The following EPG5 variants were observed in gnomAD, a reference collection of about 807,000 sequenced individuals.
EPG5 encodes the protein ectopic P granules protein 5 homolog.
In EPG5, 159 loss-of-function variants were observed where a neutral mutation model predicts 302.7. The observed-to-expected ratio is 0.53, with a 90% CI of 0.46 to 0.60. EPG5 has a LOEUF of 0.60. EPG5 is among the 20% of genes least tolerant of loss of function. The pLI is 0.00. For synonymous variants in EPG5, 1,158 were observed against 1,136.8 expected (o/e 1.02, Z -0.37); for missense variants, 2,896 against 3,092.4 (o/e 0.94, Z 1.51).
chr18:45,870,359 G>A (rs1028708933), intron 36 of EPG5, among the ~76,000 whole-genome samples: 1 of 151,866 alleles, frequency 6.6e-6, no homozygotes, highest in African/African-American at 2.4e-5. Flanking sequence ...TCTTTCTCTG[G>A]GTTTTAAAAA....
intron 35 of EPG5, among the ~76,000 whole-genome samples, chr18:45,871,088 T>G (rs1392782689): frequency 6.6e-6 from 1 of 152,228 alleles, no homozygotes; most frequent in Admixed American, 6.5e-5. Context: ...TTCATTCATT[T>G]GGCACTCAGG....
chr18:45,934,919 G>C lies in EPG5; in HGVS notation c.2147C>G (p.Ser716Cys). ...GAAGAGCTTCCACAGCATTTGCACA[G>C]ACAGAGTCCCAAAGGGCATCTCGGA... ...FMSEMPFGTL[S>C]VQMLWKLFYL... Residue 716 changes from serine (S) to cysteine (C), a missense_variant, in exon 11 of 44, where the codon TCT becomes TGT. Transcript: ENST00000282041. 6.2e-7 allele frequency: 1 copy of C among 1,614,118 alleles called. No individual in the cohort carries two copies. Among genetic ancestry groups the C allele is most frequent in the East Asian group, 2.2e-5 (1 of 44,884 alleles).
At chr18:45,837,696 G>C in the EPG5 span, 50 of 1,476,154 alleles carry the variant, frequency 3.4e-5, no homozygotes, top group South Asian at 5.9e-4. Flanking sequence ...GCTGCGGCGC[G>C]GGGCAGCGAG....
At chr18:45,906,462 T>C (rs573008473) in intron 24 of EPG5, among the ~76,000 whole-genome samples, 1 of 152,244 alleles carries the variant, frequency 6.6e-6, no homozygotes, top group South Asian at 2.1e-4. Flanking sequence ...CTGCTATATG[T>C]CGCTGCACAT....
At chr18:45,871,439 A>G (rs1459677424) in intron 35 of EPG5, among the ~76,000 whole-genome samples, 1 of 152,198 alleles carries the variant, frequency 6.6e-6, no homozygotes, top group Non-Finnish European at 1.5e-5. Context: ...TATATATCCA[A>G]AAGAAAGGAA....
In EPG5 at chr18:45,934,844, G is replaced by A. The variant is rs776049981; in HGVS notation, c.2222C>T (p.Ser741Phe). The change falls in exon 11 of 44, where the codon TCC (serine) becomes TTC (phenylalanine). Residue 741 changes from serine (S) to phenylalanine (F), a missense_variant. By Grantham distance (155) the Ser-to-Phe change is radical (BLOSUM62 -2). Coordinates refer to ENST00000282041, the MANE Select transcript of EPG5 (RefSeq NM_020964.3). Reference sequence around the variant, plus strand: ...CTGCTTGCACTGGGCGGGCTGCAGGGAGGAGGAGAGCTGCTGCAGGTTCTC... The same window carrying A: ...CTGCTTGCACTGGGCGGGCTGCAGGAAGGAGGAGAGCTGCTGCAGGTTCTC... ...ESENLQQLSS[S>F]LQPAQCKQQL... 9 of 1,614,044 alleles carry A rather than the reference G, an allele frequency of 5.6e-6. No individual in the cohort carries two copies. Among genetic ancestry groups the A allele is most frequent in the African/African-American group, 2.7e-5 (2 of 74,930 alleles).
chr18:45,925,668 T>G (rs2050251172), intron 14 of EPG5, 70 bp downstream of exon 14: 5 of 1,253,252 alleles, frequency 4.0e-6, no homozygotes, highest in Non-Finnish European at 5.3e-6. Flanking sequence ...GTTAGTGTTT[T>G]GACAAAATCC....
In EPG5 at chr18:45,923,330, C is replaced by T. The variant is rs371695724; in HGVS notation, c.2776G>A (p.Ala926Thr). Residue 926 changes from alanine to threonine, a missense_variant, in exon 15 of 44, where the codon GCT becomes ACT. Transcript: ENST00000282041. ...HAEVALMVLE[A>T]YQKYLAQKPY... ...TTCTGTGCAAGGTACTTCTGATAAG[C>T]TTCAAGAACCATTAAAGCCACTTCA... The T allele has an allele frequency of 1.2e-5, 20 of 1,613,880 alleles. No homozygotes were observed. The highest frequency in any genetic ancestry group is 1.7e-5 in the Non-Finnish European group (20 of 1,179,976).
Position 45,858,014 on chromosome 18 carries a change from G to A in EPG5, c.7281C>T (p.Leu2427=), listed in dbSNP as rs747081899. ...CATTCTGCTCTGTCTGAATGAGGGAGAGCTGAAGGACTTGGTGCCACCACA... is the reference window on the plus strand; with the variant it reads ...CATTCTGCTCTGTCTGAATGAGGGAAAGCTGAAGGACTTGGTGCCACCACA... ...LFLWWHQVLQ[L]SLIQTEQNDS... The change falls in exon 42 of 44, where the codon CTC becomes CTT. Residue 2427 remains leucine (L), a synonymous_variant. Transcript: ENST00000282041. 1 of 1,613,944 alleles carries A rather than the reference G, an allele frequency of 6.2e-7. No homozygotes were observed. The highest frequency in any genetic ancestry group is 1.7e-5 in the Admixed American group (1 of 60,032).
At chr18:45,912,478 G>C in intron 21 of EPG5, 22 bp from the exon 22 acceptor site, 1 of 1,579,242 alleles carries the variant, frequency 6.3e-7, no homozygotes, top group South Asian at 1.2e-5. Context: ...AAAGGGCTTT[G>C]AGTAGCCACA....
Position 45,908,023 on chromosome 18 carries a change from A to G in EPG5, c.4264T>C (p.Tyr1422His), listed in dbSNP as rs371495580. The G allele has an allele frequency of 6.9e-5, 110 of 1,598,552 alleles. No homozygotes were observed. The highest frequency in any genetic ancestry group is 8.9e-5 in the Non-Finnish European group (105 of 1,173,754). ...EDENFQKGDT[Y>H]IPSLPKHYDI... Reference sequence around the variant, plus strand: ...TAATGCTTTGGTAGAGAAGGGATATAGGTATCTCCTTTTTGAAAATTCTCA... The same window carrying G: ...TAATGCTTTGGTAGAGAAGGGATATGGGTATCTCCTTTTTGAAAATTCTCA... The change falls in exon 24 of 44, where the codon TAT becomes CAT. Residue 1422 changes from tyrosine to histidine, a missense_variant. This residue lies in a region of EPG5 where 790 missense variants were observed against 798.0 expected (regional missense o/e 0.99). Transcript: ENST00000282041.
At chr18:45,942,360 T>C (rs2050687180) in intron 9 of EPG5, among the ~76,000 whole-genome samples, 1 of 152,182 alleles carries the variant, frequency 6.6e-6, no homozygotes, top group African/African-American at 2.4e-5. Flanking sequence ...CCCAGCACTT[T>C]GGGAAGCCGA....
At position 45,954,402 on chromosome 18, in the gene EPG5, A is replaced by C. The variant is rs2050977273; in HGVS notation, c.1000T>G (p.Ser334Ala). 6.2e-7 allele frequency: 1 copy of C among 1,604,246 alleles called. No individual in the cohort carries two copies. Among genetic ancestry groups the C allele is most frequent in the South Asian group, 1.1e-5 (1 of 89,322 alleles). Residue 334 changes from serine (S) to alanine (A), a missense_variant, in exon 2 of 44, where the codon TCT (serine) becomes GCT (alanine). By Grantham distance (99) the Ser-to-Ala change is moderately conservative. This residue lies in a region of EPG5 where 1,390 missense variants were observed against 1,430.0 expected (regional missense o/e 0.97). Coordinates refer to ENST00000282041, the MANE Select transcript of EPG5 (RefSeq NM_020964.3). ...RLWQFKEEQM[S>A]VQGICADQVK... The stretch of plus-strand genomic sequence containing the variant: ...GCTTCTGATCAAAATACCTGTACAG[A>C]CATTTGTTCCTCCTTAAACTGCCAC...
chr18:45,960,598 A>T (rs527695582), intron 1 of EPG5, among the ~76,000 whole-genome samples: 31 of 152,382 alleles, frequency 2.0e-4, no homozygotes, highest in African/African-American at 7.2e-4. Flanking sequence ...GTTGATAAAT[A>T]GAGAAAAACA....
At chr18:45,806,662 AT>A in the EPG5 span, among the ~76,000 whole-genome samples, 1 of 152,128 alleles carries the variant, frequency 6.6e-6, no homozygotes, top group Admixed American at 6.5e-5. Context: ...AGCCGAGTCA[AT>A]TTAGAGAGCC....
At chr18:45,926,794 A>G (rs1462560012) in intron 13 of EPG5, among the ~76,000 whole-genome samples, 7 of 145,466 alleles carry the variant, frequency 4.8e-5, no homozygotes, top group African/African-American at 1.5e-4. Context: ...CCTGGGTGAC[A>G]GGGCAAGACT....
chr18:45,831,652 T>A, the EPG5 span, among the ~76,000 whole-genome samples: 1 of 152,030 alleles, frequency 6.6e-6, no homozygotes, highest in Non-Finnish European at 1.5e-5. Flanking sequence ...AAATTCCAGG[T>A]GAGTTAAGGA....
At chr18:45,856,390 G>T (rs756186898) in intron 42 of EPG5, among the ~76,000 whole-genome samples, 1 of 152,188 alleles carries the variant, frequency 6.6e-6, no homozygotes, top group African/African-American at 2.4e-5. Context: ...TAGAGACACG[G>T]GGATTAAAGG....
Position 45,948,569 on chromosome 18 carries a change from A to G in EPG5, c.1505T>C (p.Val502Ala). 6.2e-7 allele frequency: 1 copy of G among 1,613,360 alleles called. No homozygotes were observed. Residue 502 changes from valine (V) to alanine (A), a missense_variant, in exon 6 of 44, where the codon GTG becomes GCG. Transcript: ENST00000282041. ...KWAVPFIQIK[V>A]LHNPSGVFHF... ...AAAGACCCCTGATGGGTTATGCAACACTTTGATCTGAAATCAGAAAAGCAA... is the reference window on the plus strand; with the variant it reads ...AAAGACCCCTGATGGGTTATGCAACGCTTTGATCTGAAATCAGAAAAGCAA...
Sources: gnomAD v4.1 joint callset for allele counts (sites outside exome capture counted in the v4.1 genomes callset) on GRCh38, gnomAD v4.1.1 for gene constraint, gnomAD v4.1.1 regional missense constraint, MANE v1.5 for transcripts, NCBI Gene and HGNC (gene_info 2026-07-23, HGNC 2026-07-21) for gene names.